HDLBP: variants seen among roughly 807,000 people sequenced by gnomAD.
HDLBP encodes high density lipoprotein binding protein.
In HDLBP, 30 loss-of-function variants were observed where a neutral mutation model predicts 137.3. That is an observed-to-expected ratio of 0.22 (90% confidence interval 0.16 to 0.30). The LOEUF (loss-of-function observed/expected upper bound fraction) is 0.30, where lower values mean the gene tolerates loss of function less well. Ranked by LOEUF, HDLBP falls within the 10% of genes least tolerant of loss-of-function variation. The pLI is 1.00. For missense variants in HDLBP, 1,119 were observed against 1,667.3 expected (o/e 0.67, Z 5.73); for synonymous variants, 606 against 596.0 (o/e 1.02, Z -0.24).
At chr2:241,313,379 A>G (rs1208156070) in intron 1 of HDLBP, among the ~76,000 whole-genome samples, 1 of 152,098 alleles carries the variant, frequency 6.6e-6, no homozygotes, top group Non-Finnish European at 1.5e-5. Flanking sequence ...TCCTGGGTTC[A>G]AGCGATTCTC....
chr2:241,314,398 T>C (rs973893291), intron 1 of HDLBP, among the ~76,000 whole-genome samples: 1 of 152,194 alleles, frequency 6.6e-6, no homozygotes, highest in Non-Finnish European at 1.5e-5. Context: ...CCTATCTTAA[T>C]AGGGTTTTAA....
chr2:241,304,975 T>C (rs1190892963), intron 1 of HDLBP, among the ~76,000 whole-genome samples: 1 of 152,230 alleles, frequency 6.6e-6, no homozygotes, highest in Non-Finnish European at 1.5e-5. Flanking sequence ...ACCATGAGCA[T>C]ATACATAGAC....
In HDLBP at chr2:241,272,767, G is replaced by GC. The variant is rs2074207339; in HGVS notation, c.-102-4227dup. The GC allele has an allele frequency of 6.5e-6, 2 of 307,718 alleles. No individual in the cohort carries two copies. The highest frequency in any genetic ancestry group is 4.7e-6 in the Non-Finnish European group (1 of 213,360). The allele number at this position is 307,718 out of a possible 1,614,324, so 19.1% of individuals were successfully genotyped here. Reference sequence around the variant, plus strand: ...CCCCGTGTTGCGCGCTCACTCGTGGGCCCCCGCCCGCTGGTCCTGCCGCTG... The same window carrying GC: ...CCCCGTGTTGCGCGCTCACTCGTGGGCCCCCCGCCCGCTGGTCCTGCCGCTG... On this transcript the variant is annotated intron_variant, in intron 1 of 27. Transcript: ENST00000310931. The surrounding 1 kb of genome is among the most constrained non-coding windows in gnomAD (Gnocchi z 5.6).
chr2:241,256,017 G>T (rs933619539), intron 7 of HDLBP, among the ~76,000 whole-genome samples, 167 bp downstream of exon 7: 1 of 152,152 alleles, frequency 6.6e-6, no homozygotes, highest in Non-Finnish European at 1.5e-5. Flanking sequence ...CAACAGCAAG[G>T]GGGGGCGGGC....
chr2:241,264,524 C>T lies in HDLBP; in HGVS notation c.158G>A (p.Cys53Tyr). ...AFPPLPEKAA[C>Y]LESAQEPAGA... is the part of the protein sequence containing the mutation. ...AGCGGGTTCCTGGGCACTTTCCAGG[C>T]AAGCAGCTTTCTCAGGAAGTGGAGG... The change falls in exon 4 of 28, where the codon TGC becomes TAC. Residue 53 changes from cysteine to tyrosine, a missense_variant. Physicochemically the swap from Cys to Tyr is radical, Grantham distance 194. Transcript: ENST00000310931. 3 of 1,613,734 alleles carry T rather than the reference C, an allele frequency of 1.9e-6. No homozygotes were observed. Among genetic ancestry groups the T allele is most frequent in the Non-Finnish European group, 2.5e-6 (3 of 1,179,760 alleles).
chr2:241,263,242 C>T (rs553840587), intron 4 of HDLBP, among the ~76,000 whole-genome samples: 2 of 152,344 alleles, frequency 1.3e-5, no homozygotes, highest in Admixed American at 6.5e-5. Flanking sequence ...GGCCAGGAAA[C>T]ACCGTCCTGA....
intron 1 of HDLBP, among the ~76,000 whole-genome samples, chr2:241,304,422 A>G (rs1427320229): frequency 6.6e-6 from 1 of 152,218 alleles, no homozygotes; most frequent in East Asian, 1.9e-4. Context: ...GAATGATGGA[A>G]ACACTAACCC....
At chr2:241,280,232 T>C in intron 1 of HDLBP, 1 of 539,024 alleles carries the variant, frequency 1.9e-6, no homozygotes, top group Non-Finnish European at 2.4e-6. Context: ...ATTACATTTT[T>C]ATTAGCACAA....
intron 1 of HDLBP, among the ~76,000 whole-genome samples, chr2:241,296,649 T>A (rs1396280012): frequency 1.3e-5 from 2 of 152,080 alleles, no homozygotes; most frequent in Non-Finnish European, 2.9e-5. Context: ...AACACACGAA[T>A]AGATGTTCAT....
chr2:241,268,023 G>A (rs958517822), intron 2 of HDLBP: 22 of 926,738 alleles, frequency 2.4e-5, no homozygotes, highest in Non-Finnish European at 2.7e-5. Context: ...TTCCAGGTGA[G>A]CTCCAAACTA....
At position 241,264,600 on chromosome 2, in the gene HDLBP, T is replaced by C. The variant is rs144379709; in HGVS notation, c.82A>G (p.Thr28Ala). Residue 28 changes from threonine to alanine, a missense_variant, in exon 4 of 28, where the codon ACT (threonine) becomes GCT (alanine). Transcript: ENST00000310931. ...GLVPQQIKVA[T>A]LNSEEESDPP... is the part of the protein sequence containing the mutation. ...TCGCTCTCCTCTTCTGAATTTAGAG[T>C]GGCAACTGGACCAGCCAACACAGAT... is the stretch of plus-strand genomic sequence containing the variant. 17,309 of 1,613,462 alleles carry C rather than the reference T, an allele frequency of 0.011. 124 individuals are homozygous for C. Among genetic ancestry groups the C allele is most frequent in the Non-Finnish European group, 0.013 (14,808 of 1,179,690 alleles).
At chr2:241,300,208 C>G (rs560875080) in intron 1 of HDLBP, among the ~76,000 whole-genome samples, 1 of 152,130 alleles carries the variant, frequency 6.6e-6, no homozygotes, top group Non-Finnish European at 1.5e-5. Context: ...GAACTCCCCC[C>G]ACCCCGCCCA....
chr2:241,236,995 C>T (rs1167357989), intron 20 of HDLBP, among the ~76,000 whole-genome samples: 23 of 93,174 alleles, frequency 2.5e-4, no homozygotes, highest in Non-Finnish European at 3.9e-4. Context: ...GGGGGGGGGG[C>T]GGCAATGAAG....
At chr2:241,244,401 A>G (rs1187706703) in intron 16 of HDLBP, among the ~76,000 whole-genome samples, 2 of 152,222 alleles carry the variant, frequency 1.3e-5, no homozygotes, top group Non-Finnish European at 2.9e-5. Context: ...ACAGAGACAC[A>G]TCCTAACTTG....
In HDLBP at chr2:241,239,605, G is replaced by C. The variant is rs144556840; in HGVS notation, c.2607C>G (p.Asp869Glu). ...CCCCGAGCACCCAAGTGCCTACCAG[G>C]TCCTCAATGATCTCCTGAATGCGTT... ...AKKRIQEIIE[D>E]LEAQVTLECA... is the part of the protein sequence containing the mutation. Residue 869 changes from aspartate (D) to glutamate (E), a missense_variant, in exon 19 of 28, where the codon GAC (aspartate) becomes GAG (glutamate). Asp to Glu is a conservative substitution (Grantham distance 45). Transcript: ENST00000310931. This position sits in a 1 kb window ranked among gnomAD's most constrained non-coding sequence, Gnocchi z 4.6. 26 of 1,613,740 alleles carry C rather than the reference G, an allele frequency of 1.6e-5. No homozygotes were observed. Among genetic ancestry groups the C allele is most frequent in the Non-Finnish European group, 2.2e-5 (26 of 1,179,792 alleles).
intron 1 of HDLBP, among the ~76,000 whole-genome samples, chr2:241,306,971 C>CA (rs5839774): frequency 1.8e-3 from 143 of 79,116 alleles, no homozygotes; most frequent in South Asian, 0.016. Flanking sequence ...TGAACCTATT[C>CA]AAAAAAAAAA....
At chr2:241,290,321 T>C (rs2074970668) in intron 1 of HDLBP, among the ~76,000 whole-genome samples, 1 of 151,986 alleles carries the variant, frequency 6.6e-6, no homozygotes, top group Admixed American at 6.6e-5. Flanking sequence ...ACCATAAACA[T>C]CAGAAGAGGC....
chr2:241,310,526 T>C (rs1054031534), intron 1 of HDLBP, among the ~76,000 whole-genome samples: 7 of 152,052 alleles, frequency 4.6e-5, no homozygotes, highest in African/African-American at 1.7e-4. Flanking sequence ...ACCCCCTAAA[T>C]ATGTACAAGT....
chr2:241,280,909 C>G (rs536094191), intron 1 of HDLBP, among the ~76,000 whole-genome samples: 5 of 152,188 alleles, frequency 3.3e-5, no homozygotes, highest in Admixed American at 1.3e-4. Flanking sequence ...TCACTACTTT[C>G]CACTAAATTA....
Sources: gnomAD v4.1 joint callset for allele counts (sites outside exome capture counted in the v4.1 genomes callset) on GRCh38, gnomAD v4.1.1 for gene constraint, Gnocchi (gnomAD v3.1) non-coding constraint, MANE v1.5 for transcripts, NCBI Gene and HGNC (gene_info 2026-07-23, HGNC 2026-07-21) for gene names.